Variants in KCNB2 observed in about 807,000 individuals in gnomAD.
KCNB2 encodes the protein delayed rectifier potassium channel protein.
Under a neutral mutation model 61.5 loss-of-function variants are expected in KCNB2, and 15 were observed. That is an observed-to-expected ratio of 0.24 (90% CI 0.16 to 0.38). The LOEUF (loss-of-function observed/expected upper bound fraction) is 0.38, where lower values mean the gene tolerates loss of function less well. Among genes scored for constraint, KCNB2 ranks in the 10% least tolerant of loss-of-function variants. The probability of loss-of-function intolerance (pLI) is 1.00; values close to 1 mark genes in which losing one functional copy is unlikely to be tolerated. For missense variants in KCNB2, 828 were observed against 1,125.2 expected (o/e 0.74, Z 3.78); for synonymous variants, 457 against 446.0 (o/e 1.02, Z -0.31).
chr8:72,702,661 A>G (rs1328389136), intron 2 of KCNB2, among the ~76,000 whole-genome samples: 1 of 152,230 alleles, frequency 6.6e-6, no homozygotes, highest in Non-Finnish European at 1.5e-5. Flanking sequence ...TGATGTTCAT[A>G]TAATTCAAAA....
At chr8:72,710,468 A>C (rs1048429375) in intron 2 of KCNB2, among the ~76,000 whole-genome samples, 4 of 152,210 alleles carry the variant, frequency 2.6e-5, no homozygotes, top group Admixed American at 1.3e-4. Flanking sequence ...GCATATATAT[A>C]TATATATAAA....
chr8:72,710,492 A>G (rs1432981781), intron 2 of KCNB2, among the ~76,000 whole-genome samples: 1 of 152,144 alleles, frequency 6.6e-6, no homozygotes, highest in Non-Finnish European at 1.5e-5. Flanking sequence ...AAAGAAGGGT[A>G]TGTGTGTTTG....
intron 2 of KCNB2, among the ~76,000 whole-genome samples, chr8:72,696,006 G>A (rs959959660): frequency 3.3e-5 from 5 of 152,258 alleles, no homozygotes; most frequent in South Asian, 4.2e-4. Flanking sequence ...CCCATGAACC[G>A]CACTGAGAAA....
intron 2 of KCNB2, among the ~76,000 whole-genome samples, chr8:72,832,127 A>G (rs1281601565): frequency 6.6e-6 from 1 of 152,254 alleles, no homozygotes; most frequent in East Asian, 1.9e-4. Flanking sequence ...ACAGGAATGT[A>G]TAATGTATGC....
chr8:72,543,818 C>G (rs966367947), intron 1 of KCNB2, among the ~76,000 whole-genome samples: 1 of 152,166 alleles, frequency 6.6e-6, no homozygotes. Context: ...GGATCATATT[C>G]CTCTCATTCA....
intron 2 of KCNB2, among the ~76,000 whole-genome samples, chr8:72,596,840 G>T (rs959842505): frequency 2.6e-5 from 4 of 151,880 alleles, no homozygotes. Context: ...AATATCACAT[G>T]CATGATGCCA....
intron 2 of KCNB2, among the ~76,000 whole-genome samples, chr8:72,734,704 T>C (rs1807809234): frequency 6.6e-6 from 1 of 152,162 alleles, no homozygotes; most frequent in African/African-American, 2.4e-5. Flanking sequence ...ACACTACGTC[T>C]TGAAAGAGGA....
intron 2 of KCNB2, among the ~76,000 whole-genome samples, chr8:72,785,049 A>G (rs796525533): frequency 8.5e-5 from 13 of 152,300 alleles, no homozygotes; most frequent in African/African-American, 3.1e-4. Flanking sequence ...TAACACCTTT[A>G]TAATCTAATG....
chr8:72,757,518 T>C (rs1318829904), intron 2 of KCNB2, among the ~76,000 whole-genome samples: 4 of 151,874 alleles, frequency 2.6e-5, no homozygotes, highest in Non-Finnish European at 4.4e-5. Flanking sequence ...AATAAAGAGA[T>C]TGAAACTCCA....
At chr8:72,824,486 G>C (rs568011637) in intron 2 of KCNB2, among the ~76,000 whole-genome samples, 3 of 152,056 alleles carry the variant, frequency 2.0e-5, no homozygotes, top group African/African-American at 7.2e-5. Context: ...CCACCAGACC[G>C]CTGCTGCTGA....
chr8:72,744,691 A>G (rs898468809), intron 2 of KCNB2, among the ~76,000 whole-genome samples: 4 of 152,150 alleles, frequency 2.6e-5, no homozygotes, highest in African/African-American at 9.7e-5. Context: ...CCATGCTGAG[A>G]AGGAACTGCC....
In KCNB2 at chr8:72,934,301, G is replaced by A. The variant is rs145573857; in HGVS notation, c.580-1634G>A. ...AGGCCAGAGGATCACTTGAGCCTGGGAGGCAGAGGTTGCAGTGAGCTAGTG... is the reference window on the plus strand; with the variant it reads ...AGGCCAGAGGATCACTTGAGCCTGGAAGGCAGAGGTTGCAGTGAGCTAGTG... On this transcript the variant is annotated intron_variant, in intron 2 of 2. Coordinates refer to ENST00000523207, the MANE Select transcript of KCNB2 (RefSeq NM_004770.3). Among the ~76,000 whole-genome samples, 701 of 151,280 alleles carry A rather than the reference G, an allele frequency of 4.6e-3. 3 individuals carry two copies. Among genetic ancestry groups the A allele is most frequent in the Middle Eastern group, 0.01 (3 of 292 alleles).
At chr8:72,920,636 C>T (rs1009852839) in intron 2 of KCNB2, among the ~76,000 whole-genome samples, 2 of 150,890 alleles carry the variant, frequency 1.3e-5, no homozygotes, top group African/African-American at 4.9e-5. Context: ...GAGCCAGACA[C>T]TGTCTCAAAA....
intron 2 of KCNB2, among the ~76,000 whole-genome samples, chr8:72,922,605 G>T (rs1337496033): frequency 6.6e-6 from 1 of 152,162 alleles, no homozygotes; most frequent in East Asian, 1.9e-4. Context: ...TCTTCAGCCT[G>T]TCTTATGAGG....
intron 2 of KCNB2, among the ~76,000 whole-genome samples, chr8:72,899,492 C>T (rs1487354448): frequency 2.6e-5 from 4 of 152,142 alleles, no homozygotes; most frequent in African/African-American, 7.2e-5. Flanking sequence ...AAAGACTAAC[C>T]AAAAGCTCCC....
At chr8:72,933,600 C>T (rs947436624) in intron 2 of KCNB2, among the ~76,000 whole-genome samples, 8 of 152,300 alleles carry the variant, frequency 5.3e-5, no homozygotes, top group African/African-American at 1.9e-4. Flanking sequence ...ATCTTGGTTC[C>T]TTATGATAAG....
At chr8:72,612,066 A>C (rs72668150) in intron 2 of KCNB2, among the ~76,000 whole-genome samples, 3,546 of 152,242 alleles carry the variant, frequency 0.023, 66 homozygotes, top group Non-Finnish European at 0.038. Context: ...AACTCCATAA[A>C]AACTTCAGAT....
At chr8:72,832,809 A>G (rs1809720533) in intron 2 of KCNB2, among the ~76,000 whole-genome samples, 1 of 152,226 alleles carries the variant, frequency 6.6e-6, no homozygotes, top group Admixed American at 6.5e-5. Flanking sequence ...AGTGACACCT[A>G]TATACACAGT....
intron 2 of KCNB2, among the ~76,000 whole-genome samples, chr8:72,837,535 G>C (rs1809802034): frequency 6.6e-6 from 1 of 152,132 alleles, no homozygotes; most frequent in Non-Finnish European, 1.5e-5. Flanking sequence ...AATCTTCTCT[G>C]GACTTAGGTT....
Sources: gnomAD v4.1 joint callset for allele counts (sites outside exome capture counted in the v4.1 genomes callset) on GRCh38, gnomAD v4.1.1 for gene constraint, MANE v1.5 for transcripts, NCBI Gene and HGNC (gene_info 2026-07-23, HGNC 2026-07-21) for gene names.